Variants in NTM observed in about 807,000 individuals in gnomAD.
NTM encodes the protein IgLON family member 2.
A neutral mutation model predicts 42.1 loss-of-function variants in NTM; 13 were observed. That is an observed-to-expected ratio of 0.31 (90% CI 0.20 to 0.49). The LOEUF is 0.49. Ranked by LOEUF, NTM falls within the 20% of genes least tolerant of loss-of-function variation. The pLI, the probability that NTM is intolerant of heterozygous loss-of-function variation, is 0.99. For synonymous variants in NTM, 187 were observed against 179.2 expected (o/e 1.04, Z -0.35); for missense variants, 373 against 452.8 (o/e 0.82, Z 1.60).
chr11:132,228,749 T>G (rs78574490), intron 4 of NTM, among the ~76,000 whole-genome samples: 239 of 152,318 alleles, frequency 1.6e-3, no homozygotes, highest in African/African-American at 5.3e-3. Context: ...AGCGGTCACG[T>G]TCCTCCGTGT....
intron 4 of NTM, among the ~76,000 whole-genome samples, chr11:132,241,383 T>C (rs2090161022): frequency 6.6e-6 from 1 of 152,214 alleles, no homozygotes; most frequent in Admixed American, 6.5e-5. Context: ...ATTTAACCGT[T>C]TTTACTGAAT....
intron 1 of NTM, among the ~76,000 whole-genome samples, chr11:131,890,766 C>A (rs1161796873): frequency 6.6e-6 from 1 of 152,108 alleles, no homozygotes; most frequent in Non-Finnish European, 1.5e-5. Flanking sequence ...ATGGTGCCAC[C>A]CGGACGCATG....
At chr11:132,068,504 A>G (rs1030129634) in intron 2 of NTM, among the ~76,000 whole-genome samples, 12 of 152,220 alleles carry the variant, frequency 7.9e-5, no homozygotes, top group Non-Finnish European at 1.5e-4. Flanking sequence ...AAGGGCTTCT[A>G]TGGATTCGCT....
At chr11:132,051,072 C>G (rs1045132099) in intron 2 of NTM, among the ~76,000 whole-genome samples, 1 of 152,190 alleles carries the variant, frequency 6.6e-6, no homozygotes, top group Admixed American at 6.5e-5. Context: ...AGGATTTTCC[C>G]TGTGGAGTCA....
chr11:131,621,779 A>G (rs1375968395), intron 1 of NTM, among the ~76,000 whole-genome samples: 2 of 148,588 alleles, frequency 1.3e-5, no homozygotes, highest in East Asian at 3.9e-4. Context: ...CTGTGATTAT[A>G]CCACTGCATT....
intron 1 of NTM, among the ~76,000 whole-genome samples, chr11:131,584,350 A>T (rs1320429168): frequency 1.3e-5 from 2 of 152,202 alleles, no homozygotes; most frequent in African/African-American, 4.8e-5. Flanking sequence ...ATATCCCAGG[A>T]TCGCAGAGCA....
At position 131,983,469 on chromosome 11, in the gene NTM, G is replaced by A. The variant is rs900119436; in HGVS notation, c.167+71821G>A. ...TGGCTCACTGCAACCTCTGCCTCCC[G>A]GGTTCAAGCGATTCTCCTACATCAG... On this transcript the variant is annotated intron_variant, in intron 2 of 8. Coordinates refer to ENST00000683400, the MANE Select transcript of NTM (RefSeq NM_001352005.2). 5.5e-5 allele frequency among the ~76,000 whole-genome samples: 8 copies of A among 145,454 alleles called. No individual in the cohort carries two copies. The East Asian group carries it at 6.0e-4, about 11-fold the overall frequency.
At chr11:131,628,128 C>T (rs564203439) in intron 1 of NTM, among the ~76,000 whole-genome samples, 15 of 152,232 alleles carry the variant, frequency 9.9e-5, no homozygotes, top group Admixed American at 3.9e-4. Context: ...GGAGGACCCA[C>T]GAAGCCACTA....
intron 1 of NTM, among the ~76,000 whole-genome samples, chr11:131,738,139 C>T (rs1007154468): frequency 1.3e-5 from 2 of 152,120 alleles, no homozygotes; most frequent in South Asian, 2.1e-4. Flanking sequence ...GATGGATGGC[C>T]GGGGCCAGCC....
At chr11:131,545,097 C>T (rs1056314633) in intron 1 of NTM, among the ~76,000 whole-genome samples, 4 of 152,100 alleles carry the variant, frequency 2.6e-5, no homozygotes, top group Non-Finnish European at 5.9e-5. Flanking sequence ...TCTCGCTGGA[C>T]TATTAACTGT....
intron 1 of NTM, among the ~76,000 whole-genome samples, chr11:131,525,750 T>TGAAC (rs2050385328): frequency 2.6e-5 from 4 of 152,182 alleles, no homozygotes; most frequent in African/African-American, 7.2e-5. Flanking sequence ...CCTAGATGTA[T>TGAAC]GAACTTTGGC....
intron 2 of NTM, among the ~76,000 whole-genome samples, chr11:131,933,333 G>A (rs1405483131): frequency 6.6e-6 from 1 of 152,182 alleles, no homozygotes; most frequent in African/African-American, 2.4e-5. Flanking sequence ...GGTGCACTTG[G>A]CCGGTTTGTA....
chr11:132,233,723 A>C (rs968496576), intron 4 of NTM, among the ~76,000 whole-genome samples: 1 of 152,184 alleles, frequency 6.6e-6, no homozygotes, highest in Non-Finnish European at 1.5e-5. Context: ...GATATTTATT[A>C]TCTGGTCCTT....
intron 1 of NTM, among the ~76,000 whole-genome samples, chr11:131,643,184 C>A (rs554140061): frequency 6.6e-6 from 1 of 152,300 alleles, no homozygotes; most frequent in East Asian, 1.9e-4. Flanking sequence ...CAATTTGTGA[C>A]ATTCACTTTA....
At chr11:132,216,766 A>G (rs1203042068) in intron 4 of NTM, among the ~76,000 whole-genome samples, 3 of 152,208 alleles carry the variant, frequency 2.0e-5, no homozygotes, top group Non-Finnish European at 4.4e-5. Context: ...AATGCCCCAA[A>G]GAGGCATGCC....
At chr11:131,452,679 C>G (rs184858675) in intron 1 of NTM, among the ~76,000 whole-genome samples, 1 of 152,150 alleles carries the variant, frequency 6.6e-6, no homozygotes, top group Admixed American at 6.5e-5. Context: ...GGCTTCTTGG[C>G]TTTCCCAAGA....
chr11:132,079,612 C>T (rs1390310836), intron 2 of NTM, among the ~76,000 whole-genome samples: 1 of 152,076 alleles, frequency 6.6e-6, no homozygotes, highest in Non-Finnish European at 1.5e-5. Flanking sequence ...ACAAAGTATG[C>T]CCATTTTTTC....
intron 3 of NTM, among the ~76,000 whole-genome samples, chr11:132,163,639 C>A (rs1018533602): frequency 6.6e-6 from 1 of 152,180 alleles, no homozygotes; most frequent in East Asian, 1.9e-4. Context: ...TCACAGCCTC[C>A]CTCAAACACT....
At chr11:131,784,114 A>G (rs1241766832) in intron 1 of NTM, among the ~76,000 whole-genome samples, 2 of 152,196 alleles carry the variant, frequency 1.3e-5, no homozygotes, top group Non-Finnish European at 2.9e-5. Flanking sequence ...TAGGATAAAT[A>G]AAAACTTAAA....
Sources: gnomAD v4.1 joint callset for allele counts (sites outside exome capture counted in the v4.1 genomes callset) on GRCh38, gnomAD v4.1.1 for gene constraint, MANE v1.5 for transcripts, NCBI Gene and HGNC (gene_info 2026-07-23, HGNC 2026-07-21) for gene names.